The following NAPSA variants were observed in gnomAD, a reference collection of about 807,000 sequenced individuals.
NAPSA encodes napsin A aspartic peptidase.
A neutral mutation model predicts 36.7 loss-of-function variants in NAPSA; 37 were observed. The ratio of observed to expected loss-of-function variants is 1.01; its 90% CI spans 0.78 to 1.33. The LOEUF (loss-of-function observed/expected upper bound fraction) is 1.33. Ranked by LOEUF, NAPSA falls within the 40% of genes most tolerant of loss-of-function variation. The pLI, the probability that NAPSA is intolerant of heterozygous loss-of-function variation, is 0.00. For missense variants in NAPSA, 532 were observed against 543.8 expected (o/e 0.98, Z 0.21); for synonymous variants, 222 against 234.5 (o/e 0.95, Z 0.49).
upstream of NAPSA, among the ~76,000 whole-genome samples, chr19:50,366,979 G>A (rs912024700): frequency 8.6e-5 from 13 of 152,036 alleles, no homozygotes; most frequent in South Asian, 4.2e-4. Context: ...GATTATAGGC[G>A]CATGCCAGCT....
rs751720286 is a variant in NAPSA, at chr19:50,358,731, T to G, written c.1085A>C (p.Asp362Ala). 5.0e-6 allele frequency: 8 copies of G among 1,613,036 alleles called. No homozygotes were observed. The highest frequency in any genetic ancestry group is 5.9e-6 in the Non-Finnish European group (7 of 1,179,920). Reference sequence around the variant, plus strand: ...GAAGGGCCCTGCAGGCGGAGGGACATCCAGGGCCTGGAAACCGGACAAGCA... The same window carrying G: ...GAAGGGCCCTGCAGGCGGAGGGACAGCCAGGGCCTGGAAACCGGACAAGCA... ...RLCLSGFQALDVPPPAGPFWI... is the reference protein window; with the variant it reads ...RLCLSGFQALAVPPPAGPFWI... Residue 362 changes from aspartate (D) to alanine (A), a missense_variant, in exon 9 of 9, where the codon GAT becomes GCT. Transcript: ENST00000253719.
upstream of NAPSA, chr19:50,365,694 A>T: frequency 7.8e-7 from 1 of 1,276,164 alleles, no homozygotes; most frequent in Non-Finnish European, 1.1e-6. Context: ...CACCCTGTTC[A>T]TGCCCCACCT....
At position 50,362,156 on chromosome 19, in the gene NAPSA, TGG is replaced by T; in HGVS notation, c.225+14_225+15del. On this transcript the variant is annotated intron_variant, in intron 2 of 8. Coordinates refer to ENST00000253719, the MANE Select transcript of NAPSA (RefSeq NM_004851.3). ...CAAGGGCGCAGGGGTGAGGGCTGTG[TGG>T]GGCTGTGACTCACATCCCTGTAGTT... The T allele has an allele frequency of 6.2e-7, 1 of 1,612,750 alleles. No homozygotes were observed. Among genetic ancestry groups the T allele is most frequent in the Admixed American group, 1.7e-5 (1 of 59,924 alleles).
At chr19:50,361,354 T>A in intron 4 of NAPSA, 1 of 549,102 alleles carries the variant, frequency 1.8e-6, no homozygotes, top group South Asian at 2.3e-5. Context: ...CCCAGGAAGC[T>A]CCTCCCCTGC....
intron 7 of NAPSA, 60 bp downstream of exon 7, chr19:50,359,443 T>C: frequency 3.7e-6 from 6 of 1,606,650 alleles, no homozygotes; most frequent in Non-Finnish European, 4.3e-6. Context: ...GGCCCTTTGA[T>C]GTTCACTGTC....
At position 50,365,580 on chromosome 19, in the gene NAPSA, C is replaced by T. The variant is rs772509970; in HGVS notation, c.42G>A (p.Leu14=). Residue 14 remains leucine (L), a synonymous_variant, in exon 1 of 9, where the codon CTG becomes CTA. Transcript: ENST00000253719. The part of the protein sequence containing the change: ...PPLLQPLLLL[L]PLLNVEPSGA... ...CGGAAGGCTCCACATTCAGCAGAGG[C>T]AGCAGCAGCAGCAGGGGTTGCAGCA... The T allele has an allele frequency of 1.5e-5, 23 of 1,571,270 alleles. No individual in the cohort carries two copies. In the Admixed American group the frequency reaches 1.7e-4, roughly 12 times the overall value.
chr19:50,359,079 G>C lies in NAPSA; in HGVS notation c.967C>G (p.Leu323Val). ...YIILCSEIPK[L>V]PAVSFLLGGV... is the part of the protein sequence containing the mutation. ...CCAAGAAGGAAGGAGACTGCGGGGA[G>C]CTTTGGGATTTCCGAGCACAGGATG... Residue 323 changes from leucine (L) to valine (V), a missense_variant, in exon 8 of 9, where the codon CTC becomes GTC. Leu to Val is a conservative substitution (Grantham distance 32). Coordinates refer to ENST00000253719, the MANE Select transcript of NAPSA (RefSeq NM_004851.3). 1 of 1,614,086 alleles carries C rather than the reference G, an allele frequency of 6.2e-7. No homozygotes were observed. Among genetic ancestry groups the C allele is most frequent in the Non-Finnish European group, 8.5e-7 (1 of 1,179,976 alleles).
chr19:50,365,162 C>A (rs921749708), intron 1 of NAPSA, among the ~76,000 whole-genome samples: 1 of 151,480 alleles, frequency 6.6e-6, no homozygotes, highest in African/African-American at 2.4e-5. Context: ...GGTGAAACCC[C>A]GTCTCTACTA....
In NAPSA at chr19:50,361,225, C is replaced by T. The variant is rs530453643; in HGVS notation, c.469-85G>A. The T allele has an allele frequency of 5.5e-5, 67 of 1,225,114 alleles. No individual in the cohort carries two copies. The South Asian group carries it at 7.6e-4, about 14-fold the overall frequency. The allele number at this position is 1,225,114 out of a possible 1,614,324, so 75.9% of individuals were successfully genotyped here. A position where few individuals can be genotyped will look rare whatever the true frequency, so the allele number is the denominator to read the frequency against. On this transcript the variant is annotated intron_variant, in intron 4 of 8. Coordinates refer to ENST00000253719, the MANE Select transcript of NAPSA (RefSeq NM_004851.3). The stretch of plus-strand genomic sequence containing the variant: ...AGGTCTCCCAAACCAAGGCATGAAT[C>T]CTAGGTCTGGGGACTTCTGGATGCA...
chr19:50,361,151 A>T lies in NAPSA; in HGVS notation c.469-11T>A. On this transcript the variant is annotated splice_polypyrimidine_tract_variant and intron_variant, in intron 4 of 8. Transcript: ENST00000253719. ...CTTGATTCCACCAATCTAGGGGTAG[A>T]TTGAGATGTGACCAGTTACTTTTGG... The T allele has an allele frequency of 6.2e-7, 1 of 1,611,250 alleles. No homozygotes were observed. The highest frequency in any genetic ancestry group is 8.5e-7 in the Non-Finnish European group (1 of 1,178,374).
At position 50,358,652 on chromosome 19, in the gene NAPSA, C is replaced by G; in HGVS notation, c.1164G>C (p.Gly388=). 1 of 1,613,144 alleles carries G rather than the reference C, an allele frequency of 6.2e-7. No homozygotes were observed. Among genetic ancestry groups the G allele is most frequent in the Non-Finnish European group, 8.5e-7 (1 of 1,179,926 alleles). The change falls in exon 9 of 9, where the codon GGG becomes GGC. Residue 388 remains glycine (G), a synonymous_variant. Coordinates refer to ENST00000253719, the MANE Select transcript of NAPSA (RefSeq NM_004851.3). ...CCACCCGGGCGCTGCTCTTCATGTC[C>G]CCGCGGTCGAAGACGGCCACATACG... is the stretch of plus-strand genomic sequence containing the variant. ...LGTYVAVFDR[G]DMKSSARVGL...
intron 7 of NAPSA, 88 bp downstream of exon 7, chr19:50,359,415 A>T: frequency 6.4e-7 from 1 of 1,554,402 alleles, no homozygotes. Context: ...CCCCTTAAAT[A>T]CTTGCCTCCC....
At chr19:50,361,272 T>C (rs1260915006) in intron 4 of NAPSA, 132 bp from the exon 5 acceptor site, 6 of 742,584 alleles carry the variant, frequency 8.1e-6, no homozygotes, top group Middle Eastern at 3.2e-4. Flanking sequence ...CCTAGGAAAC[T>C]ATGCCTCTTG....
chr19:50,360,265 T>G (rs1270569203), intron 5 of NAPSA, among the ~76,000 whole-genome samples: 1 of 151,714 alleles, frequency 6.6e-6, no homozygotes, highest in East Asian at 1.9e-4. Context: ...TCTAGAGAGG[T>G]GTTAGACTTC....
chr19:50,362,414 GC>G, intron 1 of NAPSA, 101 bp from the exon 2 acceptor site: 1 of 1,134,318 alleles, frequency 8.8e-7, no homozygotes, highest in African/African-American at 1.6e-5. Flanking sequence ...CATCTCCAAG[GC>G]ACTACAATAG....
At chr19:50,359,972 C>T (rs2037451591) in intron 5 of NAPSA, 110 bp from the exon 6 acceptor site, 5 of 1,438,590 alleles carry the variant, frequency 3.5e-6, no homozygotes, top group Non-Finnish European at 4.7e-6. Context: ...TTCTGGAGTT[C>T]CTACGGGGTA....
chr19:50,359,147 C>T, intron 7 of NAPSA, 38 bp from the exon 8 acceptor site: 1 of 1,548,376 alleles, frequency 6.5e-7, no homozygotes, highest in Non-Finnish European at 8.9e-7. Context: ...TGAGAGATTC[C>T]TGCTCTGTTC....
chr19:50,358,521 A>G lies in NAPSA; in HGVS notation c.*32T>C. ...TTTACTGGGTAGCAGGACCTCCGCG[A>G]CCACCCGCTGCGCATGCGCTTCACT... On this transcript the variant is annotated 3_prime_UTR_variant, in exon 9 of 9. Coordinates refer to ENST00000253719, the MANE Select transcript of NAPSA (RefSeq NM_004851.3). The G allele has an allele frequency of 6.5e-7, 1 of 1,527,828 alleles. No homozygotes were observed. Among genetic ancestry groups the G allele is most frequent in the Non-Finnish European group, 8.8e-7 (1 of 1,133,958 alleles). The allele number at this position is 1,527,828 out of a possible 1,614,324, so 94.6% of individuals were successfully genotyped here.
Position 50,358,585 on chromosome 19 carries a change from C to T in NAPSA, c.1231G>A (p.Gly411Arg), listed in dbSNP as rs1222818990. Residue 411 changes from glycine to arginine, a missense_variant, in exon 9 of 9, where the codon GGA becomes AGA. Gly to Arg is a moderately radical substitution (Grantham distance 125, BLOSUM62 -2). Around this residue, in one of 3 missense-constraint regions of NAPSA, gnomAD observed 385 missense variants for 371.5 expected, o/e 1.04. Transcript: ENST00000253719. ...ARTRGADLGW[G>R]ETAQAQFPG ...GGGAACTGCGCCTGCGCAGTCTCTC[C>T]CCATCCGAGGTCCGCTCCGCGAGTG... 1.2e-6 allele frequency: 2 copies of T among 1,609,954 alleles called. No individual in the cohort carries two copies. Among genetic ancestry groups the T allele is most frequent in the East Asian group, 4.5e-5 (2 of 44,730 alleles).
Sources: gnomAD v4.1 joint callset for allele counts (sites outside exome capture counted in the v4.1 genomes callset) on GRCh38, gnomAD v4.1.1 for gene constraint, gnomAD v4.1.1 regional missense constraint, MANE v1.5 for transcripts, NCBI Gene and HGNC (gene_info 2026-07-23, HGNC 2026-07-21) for gene names.